VIPR2: variants seen among roughly 807,000 people sequenced by gnomAD.
VIPR2 encodes the protein vasoactive intestinal polypeptide receptor 2.
VIPR2 carries 48 observed loss-of-function variants against 58.0 expected under a neutral mutation model. That is an observed-to-expected ratio of 0.83 (90% CI 0.66 to 1.05). The LOEUF (loss-of-function observed/expected upper bound fraction) is 1.05. VIPR2 is among the 50% of genes least tolerant of loss of function. The pLI is 0.00. For synonymous variants in VIPR2, 243 were observed against 235.2 expected, an observed-to-expected ratio of 1.03 and a Z score of -0.30; for missense variants, 534 against 558.0, an observed-to-expected ratio of 0.96 and a Z score of 0.43.
chr7:159,143,278 C>T (rs974808401), intron 1 of VIPR2, among the ~76,000 whole-genome samples: 10 of 152,234 alleles, frequency 6.6e-5, no homozygotes, highest in African/African-American at 2.4e-4. Context: ...TTGTTCTTCA[C>T]GCCCTCCGCG....
chr7:159,061,650 C>T (rs759585387), intron 4 of VIPR2, among the ~76,000 whole-genome samples: 3 of 147,174 alleles, frequency 2.0e-5, no homozygotes, highest in Admixed American at 6.7e-5. Flanking sequence ...GAGGACCTGT[C>T]GCAAAAAAAA....
intron 2 of VIPR2, among the ~76,000 whole-genome samples, chr7:159,134,767 C>T (rs1797127322): frequency 6.6e-6 from 1 of 151,846 alleles, no homozygotes; most frequent in South Asian, 2.1e-4. Context: ...ACGCCATTCT[C>T]CCGCCTCAGC....
intron 2 of VIPR2, among the ~76,000 whole-genome samples, chr7:159,130,496 G>C (rs975450806): frequency 8.0e-5 from 12 of 149,816 alleles, no homozygotes; most frequent in Non-Finnish European, 2.9e-5. Flanking sequence ...GCTCCACCTG[G>C]ACCGGCCAAC....
At chr7:159,079,561 A>G (rs1856802517) in intron 4 of VIPR2, among the ~76,000 whole-genome samples, 1 of 152,236 alleles carries the variant, frequency 6.6e-6, no homozygotes, top group Non-Finnish European at 1.5e-5. Context: ...AAAGAACTAG[A>G]GAAGCAAGAG....
At chr7:159,142,365 G>C in intron 2 of VIPR2, 81 bp downstream of exon 2, 1 of 936,216 alleles carries the variant, frequency 1.1e-6, no homozygotes, top group East Asian at 2.6e-5. Context: ...TGCAGGTGGT[G>C]ACCCTGAACC....
chr7:159,068,585 C>T (rs1320564790), intron 4 of VIPR2, among the ~76,000 whole-genome samples: 3 of 152,218 alleles, frequency 2.0e-5, no homozygotes, highest in Admixed American at 6.5e-5. Context: ...CTGGCACCCA[C>T]GACAAAGCCT....
intron 5 of VIPR2, among the ~76,000 whole-genome samples, chr7:159,047,661 A>G (rs1205074306): frequency 6.6e-6 from 1 of 152,252 alleles, no homozygotes; most frequent in Non-Finnish European, 1.5e-5. Flanking sequence ...TTTATGAAGT[A>G]GACTCTAGAA....
At chr7:159,078,441 T>C (rs552763525) in intron 4 of VIPR2, among the ~76,000 whole-genome samples, 1 of 152,336 alleles carries the variant, frequency 6.6e-6, no homozygotes, top group Middle Eastern at 3.4e-3. Flanking sequence ...GGTTCAACAC[T>C]GTAAGGCACT....
chr7:159,130,611 AC>A (rs543015947), intron 2 of VIPR2, among the ~76,000 whole-genome samples: 1 of 151,518 alleles, frequency 6.6e-6, no homozygotes, highest in Non-Finnish European at 1.5e-5. Context: ...ACTGCCTAGC[AC>A]CCCCCAATCC....
At chr7:159,074,766 T>C (rs1435551944) in intron 4 of VIPR2, among the ~76,000 whole-genome samples, 3 of 152,162 alleles carry the variant, frequency 2.0e-5, no homozygotes, top group Non-Finnish European at 2.9e-5. Flanking sequence ...GGTGGGAGGA[T>C]TGCTTGAGGC....
chr7:159,045,582 G>C (rs1238433395), intron 5 of VIPR2, among the ~76,000 whole-genome samples: 1 of 152,116 alleles, frequency 6.6e-6, no homozygotes, highest in Non-Finnish European at 1.5e-5. Context: ...TACTCAGAAT[G>C]AATCAATGAC....
At chr7:159,040,267 A>G (rs947703215) in intron 6 of VIPR2, among the ~76,000 whole-genome samples, 1 of 152,158 alleles carries the variant, frequency 6.6e-6, no homozygotes. Flanking sequence ...TGATGTGAGG[A>G]ACCCCGGCCA....
chr7:159,125,114 G>A (rs530486648), intron 2 of VIPR2, among the ~76,000 whole-genome samples: 17 of 152,268 alleles, frequency 1.1e-4, no homozygotes, highest in Non-Finnish European at 4.4e-5. Context: ...TTCCTATTTG[G>A]ATGCGCTTTA....
At chr7:159,139,848 A>G (rs369564850) in intron 2 of VIPR2, among the ~76,000 whole-genome samples, 1,666 of 152,380 alleles carry the variant, frequency 0.011, 33 homozygotes, top group African/African-American at 0.038. Context: ...AAGCCCCCTC[A>G]GGGACCTGTG....
chr7:159,058,506 C>A lies in VIPR2; in HGVS notation c.430G>T (p.Gly144Ter). The A allele has an allele frequency of 6.2e-7, 1 of 1,613,346 alleles. No homozygotes were observed. Among genetic ancestry groups the A allele is most frequent in the South Asian group, 1.1e-5 (1 of 91,060 alleles). ...CTGAAGAGGCACAGAATTATGCTTCCTGTTGCAAGAGACATCAGAGAGACA... is the reference window on the plus strand; with the variant it reads ...CTGAAGAGGCACAGAATTATGCTTCATGTTGCAAGAGACATCAGAGAGACA... ...YSVSLMSLATGSIILCLFRKL... is the reference protein window; with the variant it reads ...YSVSLMSLAT Residue 144 changes from glycine (G) to a stop codon, truncating the protein, a stop_gained, in exon 5 of 13, where the codon GGA (glycine) becomes TGA (stop). Transcript: ENST00000262178. LOFTEE classifies it high-confidence loss of function.
At chr7:159,034,980 T>C (rs1853837653) in intron 8 of VIPR2, among the ~76,000 whole-genome samples, 1 of 152,140 alleles carries the variant, frequency 6.6e-6, no homozygotes, top group Non-Finnish European at 1.5e-5. Context: ...AGAACCTTCC[T>C]CCTGAAAATT....
intron 2 of VIPR2, among the ~76,000 whole-genome samples, chr7:159,136,364 G>A (rs1226914507): frequency 6.6e-6 from 1 of 152,120 alleles, no homozygotes; most frequent in Admixed American, 6.5e-5. Context: ...ACCTCTTCAA[G>A]GCCCGTCTCT....
intron 4 of VIPR2, among the ~76,000 whole-genome samples, chr7:159,085,331 T>G (rs1857116654): frequency 6.6e-6 from 1 of 152,226 alleles, no homozygotes; most frequent in Admixed American, 6.5e-5. Context: ...AGCCTTGCTC[T>G]GTCACCCAGG....
chr7:159,059,916 A>G (rs1359208803), intron 4 of VIPR2, among the ~76,000 whole-genome samples: 1 of 150,236 alleles, frequency 6.7e-6, no homozygotes, highest in Non-Finnish European at 1.5e-5. Flanking sequence ...TTCTCAACTC[A>G]TCTAACCATC....
Sources: gnomAD v4.1 joint callset for allele counts (sites outside exome capture counted in the v4.1 genomes callset) on GRCh38, gnomAD v4.1.1 for gene constraint, MANE v1.5 for transcripts, NCBI Gene and HGNC (gene_info 2026-07-23, HGNC 2026-07-21) for gene names.